MMEL1: variants seen among roughly 807,000 people sequenced by gnomAD.
The protein encoded by MMEL1 is membrane metallo-endopeptidase-like 1.
In MMEL1, 98 loss-of-function variants were observed where a neutral mutation model predicts 117.1. That is an observed-to-expected ratio of 0.84 (90% CI 0.71 to 0.99). MMEL1 has a LOEUF of 0.99. Among genes scored for constraint, MMEL1 ranks in the 50% least tolerant of loss-of-function variants. The pLI is 0.00. For synonymous variants in MMEL1, 390 were observed against 415.1 expected (o/e 0.94, Z 0.74); for missense variants, 1,014 against 1,049.1 (o/e 0.97, Z 0.46).
chr1:2,606,374 G>A lies in MMEL1; in HGVS notation c.632-8C>T, dbSNP rs774933034. The A allele has an allele frequency of 1.2e-6, 2 of 1,608,100 alleles. No individual in the cohort carries two copies. Among genetic ancestry groups the A allele is most frequent in the Admixed American group, 3.3e-5 (2 of 59,988 alleles). On this transcript the variant is annotated splice_region_variant and splice_polypyrimidine_tract_variant and intron_variant, in intron 7 of 23. Coordinates refer to ENST00000378412, the MANE Select transcript of MMEL1 (RefSeq NM_033467.4). ...CCAGCTCCCACTCGAGTCCTGGGGA[G>A]ACAGTGCCCCGCACTGGAGACTGGC...
At chr1:2,628,691 G>C (rs986573395) in intron 2 of MMEL1, among the ~76,000 whole-genome samples, 1 of 148,896 alleles carries the variant, frequency 6.7e-6, no homozygotes, top group African/African-American at 2.5e-5. Flanking sequence ...GGGGCGGGGG[G>C]AGTGTTCCCG....
chr1:2,596,532 C>T lies in MMEL1; in HGVS notation c.1401+29G>A, dbSNP rs375550510. 80 of 1,601,658 alleles carry T rather than the reference C, an allele frequency of 5.0e-5. No individual in the cohort carries two copies. The African/African-American group carries it at 8.7e-4, about 17-fold the overall frequency. On this transcript the variant is annotated intron_variant, in intron 14 of 23. Transcript: ENST00000378412. ...CGGTGTCCCTGTGGAAGGCTGGCCCCGCGTGGGCCATGGATGAGGGGCGCC... is the reference window on the plus strand; with the variant it reads ...CGGTGTCCCTGTGGAAGGCTGGCCCTGCGTGGGCCATGGATGAGGGGCGCC...
intron 2 of MMEL1, among the ~76,000 whole-genome samples, chr1:2,624,874 C>G (rs1237567595): frequency 6.6e-6 from 1 of 152,182 alleles, no homozygotes; most frequent in Non-Finnish European, 1.5e-5. Context: ...AGGAAGCTTA[C>G]AATCATGGCA....
intron 3 of MMEL1, 165 bp from the exon 4 acceptor site, chr1:2,611,505 A>G (rs1327627139): frequency 7.9e-6 from 4 of 504,158 alleles, no homozygotes; most frequent in Non-Finnish European, 1.4e-5. Flanking sequence ...TGAAGCCAGT[A>G]GGGCAAGGCC....
At chr1:2,600,474 G>C (rs928030273) in intron 11 of MMEL1, among the ~76,000 whole-genome samples, 3 of 152,056 alleles carry the variant, frequency 2.0e-5, no homozygotes, top group Admixed American at 6.5e-5. Context: ...CAGGGCGGGA[G>C]GACTGCTTGA....
At position 2,595,125 on chromosome 1, in the gene MMEL1, A is replaced by T; in HGVS notation, c.1584+151T>A. 1 of 718,398 alleles carries T rather than the reference A, an allele frequency of 1.4e-6. No individual in the cohort carries two copies. Among genetic ancestry groups the T allele is most frequent in the Non-Finnish European group, 2.4e-6 (1 of 421,976 alleles). The allele number at this position is 718,398 out of a possible 1,614,324, so 44.5% of individuals were successfully genotyped here. A position where few individuals can be genotyped will look rare whatever the true frequency, so the allele number is the denominator to read the frequency against. On this transcript the variant is annotated intron_variant, in intron 16 of 23. Transcript: ENST00000378412. The surrounding 1 kb of genome is among the most constrained non-coding windows in gnomAD (Gnocchi z 4.8). ...GTTTCCCCATCTGTACACTGAGGGT[A>T]GTGCTGGAGCCACCACCCTAGGGCA...
chr1:2,594,456 AGCCGGTCTCTGGGAGCC>A lies in MMEL1; in HGVS notation c.1689-30_1689-14del, dbSNP rs1209606385. 9.0e-6 allele frequency: 14 copies of A among 1,551,296 alleles called. No individual in the cohort carries two copies. In the East Asian group the frequency reaches 3.4e-4, roughly 38 times the overall value. ...CCCGATGATCCAGCTGTGATAGACAAGCCGGTCTCTGGGAGCCGCCTCTCCGGGGACCCTCCCTCTGG... is the reference window on the plus strand; with the variant it reads ...CCCGATGATCCAGCTGTGATAGACAAGCCTCTCCGGGGACCCTCCCTCTGG... On this transcript the variant is annotated splice_polypyrimidine_tract_variant and intron_variant, in intron 17 of 23. Coordinates refer to ENST00000378412, the MANE Select transcript of MMEL1 (RefSeq NM_033467.4).
chr1:2,612,714 G>T lies in MMEL1; in HGVS notation c.155-510C>A, dbSNP rs1298783998. ...CCCTCACTGCTGCTGAAGGTGCCAA[G>T]CCACCCTCCCTCCATCTCTCTACTG... On this transcript the variant is annotated intron_variant, in intron 2 of 23. Transcript: ENST00000378412. The surrounding 1 kb of genome is among the most constrained non-coding windows in gnomAD (Gnocchi z 5.4). Among the ~76,000 whole-genome samples the T allele has an allele frequency of 1.3e-5, 2 of 152,090 alleles. No individual in the cohort carries two copies. Among genetic ancestry groups the T allele is most frequent in the Non-Finnish European group, 2.9e-5 (2 of 67,994 alleles).
chr1:2,591,489 T>A (rs1644706099), intron 23 of MMEL1, 68 bp downstream of exon 23: 1 of 1,301,272 alleles, frequency 7.7e-7, no homozygotes, highest in Non-Finnish European at 1.1e-6. Context: ...TTTCTTCTTT[T>A]ACAGGCCACT....
chr1:2,632,905 C>T lies in MMEL1; in HGVS notation c.-77G>A, dbSNP rs560538324. The T allele has an allele frequency of 1.1e-4, 107 of 985,620 alleles. No individual in the cohort carries two copies. The African/African-American group carries it at 1.8e-3, about 17-fold the overall frequency. The allele number at this position is 985,620 out of a possible 1,614,324, so 61.1% of individuals were successfully genotyped here. ...GAGTGGCTGCCGCCCACAGTCAGGC[C>T]CCTGGAGACTGGGTCCCAGTGGGTT... On this transcript the variant is annotated 5_prime_UTR_variant, in exon 1 of 24. Transcript: ENST00000378412.
In MMEL1 at chr1:2,609,831, G is replaced by T; in HGVS notation, c.293C>A (p.Ala98Asp). The T allele has an allele frequency of 6.2e-7, 1 of 1,602,702 alleles. No homozygotes were observed. The highest frequency in any genetic ancestry group is 1.1e-5 in the South Asian group (1 of 88,606). ...VCTTPGCVIA[A>D]ARILQNMDPT... is the part of the protein sequence containing the mutation. Reference sequence around the variant, plus strand: ...GTCCATGTTCTGGAGGATCCTGGCAGCTGCTCGTCCCCATGGCGTGGAGCA... The same window carrying T: ...GTCCATGTTCTGGAGGATCCTGGCATCTGCTCGTCCCCATGGCGTGGAGCA... Residue 98 changes from alanine to aspartate, a missense_variant and splice_region_variant, in exon 5 of 24, where the codon GCT (alanine) becomes GAT (aspartate). Transcript: ENST00000378412.
chr1:2,629,292 G>C lies in MMEL1; in HGVS notation c.154+39C>G, dbSNP rs1274546729. 2.6e-6 allele frequency: 4 copies of C among 1,510,694 alleles called. No individual in the cohort carries two copies. The South Asian group carries it at 3.7e-5, about 14-fold the overall frequency. The allele number at this position is 1,510,694 out of a possible 1,614,324, so 93.6% of individuals were successfully genotyped here. ...GTGCAGCGGGGCGAGCGCGGAGAGC[G>C]GGCACGGGGACAGGCGGGGGCGGGG... On this transcript the variant is annotated intron_variant, in intron 2 of 23. Transcript: ENST00000378412.
intron 11 of MMEL1, among the ~76,000 whole-genome samples, chr1:2,600,710 C>G (rs1644917652): frequency 1.1e-5 from 1 of 91,022 alleles, no homozygotes; most frequent in Non-Finnish European, 2.9e-5. Context: ...ACAAACAAAA[C>G]CCAACCCCCC....
rs1282805614 is a variant in MMEL1, at chr1:2,612,022, AG to A, written c.232+104del. On this transcript the variant is annotated intron_variant, in intron 3 of 23. Transcript: ENST00000378412. This position sits in a 1 kb window ranked among gnomAD's most constrained non-coding sequence, Gnocchi z 5.4. The stretch of plus-strand genomic sequence containing the variant: ...CCCCATGGCCCTCCTCCGGCACATG[AG>A]GGTTGGGCAGAACCCAGCCCCTGCC... The A allele has an allele frequency of 1.2e-5, 12 of 975,384 alleles. No homozygotes were observed. The highest frequency in any genetic ancestry group is 3.2e-5 in the African/African-American group (2 of 61,770). 60.4% of individuals were successfully genotyped at this position (975,384 alleles called of 1,614,324 possible).
chr1:2,610,402 C>T (rs965183966), intron 4 of MMEL1, among the ~76,000 whole-genome samples: 6 of 152,090 alleles, frequency 3.9e-5, no homozygotes, highest in African/African-American at 7.2e-5. Flanking sequence ...TCTGTGAATC[C>T]GGGAACACCA....
chr1:2,603,206 G>C (rs1036787425), intron 11 of MMEL1, among the ~76,000 whole-genome samples: 1 of 152,224 alleles, frequency 6.6e-6, no homozygotes, highest in Non-Finnish European at 1.5e-5. Context: ...TACTCTGGTT[G>C]AGGGGGCAGG....
At chr1:2,613,836 G>A (rs1407755748) in intron 2 of MMEL1, among the ~76,000 whole-genome samples, 2 of 152,142 alleles carry the variant, frequency 1.3e-5, no homozygotes, top group Non-Finnish European at 2.9e-5. Context: ...GGGAGACAGA[G>A]TGAGACCCTG....
chr1:2,615,188 A>G (rs1033847688), intron 2 of MMEL1, among the ~76,000 whole-genome samples: 28 of 152,342 alleles, frequency 1.8e-4, no homozygotes, highest in Admixed American at 1.5e-3. Context: ...TGAGCTGCAC[A>G]CAGTGGCTTC....
At chr1:2,629,285 G>C in intron 2 of MMEL1, 46 bp downstream of exon 2, 3 of 1,503,746 alleles carry the variant, frequency 2.0e-6, no homozygotes, top group Non-Finnish European at 2.7e-6. Context: ...GGGCGAGCGC[G>C]GAGAGCGGGC....
Sources: allele counts gnomAD v4.1 joint callset (sites outside exome capture counted in the v4.1 genomes callset), GRCh38; gene constraint gnomAD v4.1.1; non-coding constraint Gnocchi (gnomAD v3.1); transcripts MANE v1.5; gene names NCBI Gene and HGNC (gene_info 2026-07-23, HGNC 2026-07-21).